CD53: variants seen among roughly 807,000 people sequenced by gnomAD.
CD53 encodes CD53 molecule.
CD53 carries 20 observed loss-of-function variants against 27.3 expected under a neutral mutation model. That is an observed-to-expected ratio of 0.73 (90% CI 0.52 to 1.07). CD53 has a LOEUF of 1.07. Among genes scored for constraint, CD53 ranks in the 50% least tolerant of loss-of-function variants. CD53 has a pLI of 0.00. For missense variants in CD53, 216 were observed against 264.0 expected (o/e 0.82, Z 1.26); for synonymous variants, 106 against 105.3 (o/e 1.01, Z -0.04).
intron 1 of CD53, among the ~76,000 whole-genome samples, chr1:110,879,363 T>C (rs1401056016): frequency 6.6e-6 from 1 of 152,220 alleles, no homozygotes; most frequent in Admixed American, 6.5e-5. Flanking sequence ...TTCTGATAAG[T>C]AGCACTAACA....
chr1:110,882,347 T>C (rs35769683), intron 1 of CD53, among the ~76,000 whole-genome samples: 35,064 of 151,984 alleles, frequency 0.23, 4,710 homozygotes, highest in Middle Eastern at 0.38. Context: ...AAAAAAGTAT[T>C]CTTCATTCTG....
chr1:110,888,528 T>C (rs1369212218), intron 1 of CD53, among the ~76,000 whole-genome samples: 1 of 152,206 alleles, frequency 6.6e-6, no homozygotes, highest in Non-Finnish European at 1.5e-5. Context: ...CATTATTTTA[T>C]AGTCTACATT....
chr1:110,888,748 A>G (rs968840693), intron 1 of CD53, among the ~76,000 whole-genome samples: 3 of 152,218 alleles, frequency 2.0e-5, no homozygotes, highest in African/African-American at 7.2e-5. Context: ...TACTGATATA[A>G]TCCTTTTTGT....
intron 1 of CD53, among the ~76,000 whole-genome samples, chr1:110,874,266 A>G (rs988441500): frequency 1.3e-5 from 2 of 152,242 alleles, no homozygotes; most frequent in African/African-American, 2.4e-5. Flanking sequence ...CTGGATTCCC[A>G]AAACACCTCA....
intron 1 of CD53, among the ~76,000 whole-genome samples, chr1:110,884,383 C>A (rs1656482780): frequency 6.6e-6 from 1 of 152,074 alleles, no homozygotes; most frequent in South Asian, 2.1e-4. Flanking sequence ...GATTTATGGT[C>A]CAGAATGGTC....
At chr1:110,899,027 A>G (rs1657189488) in intron 7 of CD53, 97 bp from the exon 8 acceptor site, 1 of 853,916 alleles carries the variant, frequency 1.2e-6, no homozygotes, top group Non-Finnish European at 1.9e-6. Flanking sequence ...GTTTCAGTGT[A>G]ATGGATACAT....
At chr1:110,890,106 GAAACTGC>G (rs1656791841) in intron 1 of CD53, among the ~76,000 whole-genome samples, 1 of 152,236 alleles carries the variant, frequency 6.6e-6, no homozygotes, top group South Asian at 2.1e-4. Context: ...CAGGTACCTT[GAAACTGC>G]AAAGGAGATA....
chr1:110,879,628 T>C (rs1656272236), intron 1 of CD53, among the ~76,000 whole-genome samples: 1 of 152,198 alleles, frequency 6.6e-6, no homozygotes, highest in African/African-American at 2.4e-5. Flanking sequence ...AGCGTAATGG[T>C]CTATGTAGCA....
rs1199667584 is a variant in CD53, at chr1:110,894,950, G to A, written c.328-10G>A. The A allele has an allele frequency of 2.5e-6, 4 of 1,606,382 alleles. No individual in the cohort carries two copies. The highest frequency in any genetic ancestry group is 3.4e-6 in the Non-Finnish European group (4 of 1,173,170). On this transcript the variant is annotated splice_polypyrimidine_tract_variant and intron_variant, in intron 4 of 7. Transcript: ENST00000271324. ...TACCATGTCTCCTCTGCTGGAATGT[G>A]CCTGCCCAGCTGAATGAGTATGTGG... is the stretch of plus-strand genomic sequence containing the variant.
At chr1:110,898,379 GAA>G (rs11390194) in intron 7 of CD53, among the ~76,000 whole-genome samples, 5 of 115,654 alleles carry the variant, frequency 4.3e-5, no homozygotes, top group South Asian at 2.9e-4. Flanking sequence ...TCTGTCTCCA[GAA>G]AAAAAAAAAA....
chr1:110,891,757 G>C (rs1212425795), intron 2 of CD53, among the ~76,000 whole-genome samples: 1 of 152,196 alleles, frequency 6.6e-6, no homozygotes, highest in Non-Finnish European at 1.5e-5. Flanking sequence ...TGAGAAACCT[G>C]AGACTGTGCT....
At chr1:110,888,408 G>A (rs548722613) in intron 1 of CD53, among the ~76,000 whole-genome samples, 2 of 152,250 alleles carry the variant, frequency 1.3e-5, no homozygotes, top group South Asian at 2.1e-4. Context: ...TCCATGGTTT[G>A]GAAACTGTCT....
At chr1:110,891,339 T>G (rs1225251914) in intron 1 of CD53, 53 bp from the exon 2 acceptor site, 2 of 1,213,578 alleles carry the variant, frequency 1.6e-6, no homozygotes, top group Non-Finnish European at 2.5e-6. Flanking sequence ...CACTCTGATC[T>G]CTGGCTACCT....
chr1:110,896,453 A>T (rs927057724), intron 5 of CD53, among the ~76,000 whole-genome samples, 200 bp from the exon 6 acceptor site: 3 of 152,220 alleles, frequency 2.0e-5, no homozygotes, highest in Admixed American at 1.3e-4. Context: ...AGGGGTCTCT[A>T]CTCCACAGGG....
rs1482469879 is a variant in CD53, at chr1:110,883,551, T to C, written c.-17-7841T>C. Among the ~76,000 whole-genome samples the C allele has an allele frequency of 2.0e-5, 3 of 152,008 alleles. No individual in the cohort carries two copies. In the South Asian group the frequency reaches 6.2e-4, roughly 31 times the overall value. On this transcript the variant is annotated intron_variant, in intron 1 of 7. Transcript: ENST00000271324. ...TTCTGCTTTTAGTATCTGAAAAGTCTGGCCTCACAGGATAAGGTAGAGAGT... is the reference window on the plus strand; with the variant it reads ...TTCTGCTTTTAGTATCTGAAAAGTCCGGCCTCACAGGATAAGGTAGAGAGT...
chr1:110,884,395 A>G (rs1656483270), intron 1 of CD53, among the ~76,000 whole-genome samples: 1 of 152,074 alleles, frequency 6.6e-6, no homozygotes, highest in Admixed American at 6.5e-5. Context: ...AGAATGGTCT[A>G]TCTTGGTAAA....
intron 1 of CD53, among the ~76,000 whole-genome samples, chr1:110,889,686 G>A (rs1211102807): frequency 3.3e-5 from 5 of 152,076 alleles, no homozygotes; most frequent in Admixed American, 2.6e-4. Flanking sequence ...CACCCTATAA[G>A]GGATAAGTGT....
intron 6 of CD53, 148 bp from the exon 7 acceptor site, chr1:110,897,661 T>C (rs982431004): frequency 3.7e-5 from 18 of 490,506 alleles, no homozygotes; most frequent in Middle Eastern, 6.7e-4. Flanking sequence ...TGCCTGTTTC[T>C]TCATTCACGC....
In CD53 at chr1:110,899,214, T is replaced by G. The variant is rs112962091; in HGVS notation, c.*19T>G. ...GCTATGATCTGCAGTAGTCCTGTGG[T>G]GAAGAGACTTGTTTCATCTCCGGAA... On this transcript the variant is annotated 3_prime_UTR_variant, in exon 8 of 8. Transcript: ENST00000271324. 377 of 1,567,068 alleles carry G rather than the reference T, an allele frequency of 2.4e-4. 1 individual carries two copies. In the African/African-American group the frequency reaches 4.4e-3, roughly 18 times the overall value.
Sources: allele counts gnomAD v4.1 joint callset (sites outside exome capture counted in the v4.1 genomes callset), GRCh38; gene constraint gnomAD v4.1.1; transcripts MANE v1.5; gene names NCBI Gene and HGNC (gene_info 2026-07-23, HGNC 2026-07-21).